The following ZBTB44 variants were observed in gnomAD, a reference collection of about 807,000 sequenced individuals.
ZBTB44 encodes zinc finger and BTB domain-containing protein 44.
A neutral mutation model predicts 54.0 loss-of-function variants in ZBTB44; 15 were observed. The ratio of observed to expected loss-of-function variants is 0.28; its 90% CI spans 0.19 to 0.43. The LOEUF (loss-of-function observed/expected upper bound fraction) is 0.43. ZBTB44 is among the 20% of genes least tolerant of loss of function. The pLI is 1.00. For missense variants in ZBTB44, 487 were observed against 707.1 expected, an observed-to-expected ratio of 0.69 and a Z score of 3.53; for synonymous variants, 230 against 250.1, an observed-to-expected ratio of 0.92 and a Z score of 0.76.
chr11:130,278,247 T>C (rs772036718), intron 1 of ZBTB44, among the ~76,000 whole-genome samples: 6 of 152,204 alleles, frequency 3.9e-5, no homozygotes, highest in Non-Finnish European at 8.8e-5. Context: ...AACACTGACA[T>C]TAGCTTACAC....
At chr11:130,240,221 T>C (rs1316739413) in intron 2 of ZBTB44, among the ~76,000 whole-genome samples, 1 of 152,086 alleles carries the variant, frequency 6.6e-6, no homozygotes, top group Non-Finnish European at 1.5e-5. Context: ...TTTTGTATTT[T>C]AGTAGAGACA....
intron 2 of ZBTB44, among the ~76,000 whole-genome samples, chr11:130,256,057 CA>C (rs962252279): frequency 6.6e-6 from 1 of 151,942 alleles, no homozygotes; most frequent in African/African-American, 2.4e-5. Flanking sequence ...TTCCTAACAA[CA>C]GAAAAAGAGG....
intron 1 of ZBTB44, among the ~76,000 whole-genome samples, chr11:130,284,325 T>C (rs577638204): frequency 2.6e-5 from 4 of 152,230 alleles, no homozygotes; most frequent in Admixed American, 1.3e-4. Flanking sequence ...AGTTTATTCA[T>C]TGGTAAAATA....
intron 3 of ZBTB44, 113 bp downstream of exon 3, chr11:130,239,699 G>T: frequency 2.5e-6 from 2 of 793,372 alleles, no homozygotes; most frequent in South Asian, 1.7e-5. Context: ...ACTTTGAAAA[G>T]TATACTGAAG....
chr11:130,298,832 G>GACACACAC (rs71061379), intron 1 of ZBTB44, among the ~76,000 whole-genome samples: 4 of 149,674 alleles, frequency 2.7e-5, no homozygotes, highest in African/African-American at 7.3e-5. Context: ...CAGACACCCA[G>GACACACAC]ACACACACAC....
intron 1 of ZBTB44, among the ~76,000 whole-genome samples, chr11:130,287,868 T>C (rs1941057918): frequency 6.6e-6 from 1 of 151,638 alleles, no homozygotes; most frequent in African/African-American, 2.4e-5. Context: ...ATTTACCGTA[T>C]TATAAATTAA....
intron 1 of ZBTB44, chr11:130,310,061 A>T (rs1226056653): frequency 6.6e-6 from 1 of 152,142 alleles, no homozygotes; most frequent in African/African-American, 2.4e-5. Flanking sequence ...TACATGTGTA[A>T]TCTTAGCACT....
Position 130,229,863 on chromosome 11 carries a change from TA to T in ZBTB44, c.*1900del, listed in dbSNP as rs1953812644. 6.6e-6 allele frequency: 1 copy of T among 152,166 alleles called. No homozygotes were observed. Among genetic ancestry groups the T allele is most frequent in the Non-Finnish European group, 1.5e-5 (1 of 67,984 alleles). 9.4% of individuals were successfully genotyped at this position (152,166 alleles called of 1,614,324 possible). A position where few individuals can be genotyped will look rare whatever the true frequency, so the allele number is the denominator to read the frequency against. On this transcript the variant is annotated 3_prime_UTR_variant, in exon 8 of 8. Coordinates refer to ENST00000357899, the MANE Select transcript of ZBTB44 (RefSeq NM_001301098.2). ...ACTTTGGGTCTGTTTCTTCTAACTG[TA>T]AACTTCACACTAGTTTTTTTTTCCC...
In ZBTB44 at chr11:130,261,830, T is replaced by C. The variant is rs1188578757; in HGVS notation, c.44A>G (p.Gln15Arg). The C allele has an allele frequency of 1.2e-6, 2 of 1,613,682 alleles. No homozygotes were observed. The highest frequency in any genetic ancestry group is 1.7e-6 in the Non-Finnish European group (2 of 1,179,608). The change falls in exon 2 of 8, where the codon CAG (glutamine) becomes CGG (arginine). Residue 15 changes from glutamine to arginine, a missense_variant. By Grantham distance (43) the Gln-to-Arg change is conservative. Transcript: ENST00000357899. This position sits in a 1 kb window ranked among gnomAD's most constrained non-coding sequence, Gnocchi z 4.8. Reference sequence around the variant, plus strand: ...CATATTTAGCTTTCCAAGCATTTCCTGGCTGTGGGAAGAGGAGCTATGAGT... The same window carrying C: ...CATATTTAGCTTTCCAAGCATTTCCCGGCTGTGGGAAGAGGAGCTATGAGT... ...TFTHSSSSHS[Q>R]EMLGKLNMLR...
In ZBTB44 at chr11:130,230,151, A is replaced by G. The variant is rs1295513295; in HGVS notation, c.*1613T>C. ...AGGACTATTAAAGCTAAAAGGGACT[A>G]AAACATAATCTGAGAATCTTCAAGA... is the stretch of plus-strand genomic sequence containing the variant. On this transcript the variant is annotated 3_prime_UTR_variant, in exon 8 of 8. Coordinates refer to ENST00000357899, the MANE Select transcript of ZBTB44 (RefSeq NM_001301098.2). 1 of 152,108 alleles carries G rather than the reference A, an allele frequency of 6.6e-6. No homozygotes were observed. Among genetic ancestry groups the G allele is most frequent in the Non-Finnish European group, 1.5e-5 (1 of 67,944 alleles). 9.4% of individuals were successfully genotyped at this position (152,108 alleles called of 1,614,324 possible). A position where few individuals can be genotyped will look rare whatever the true frequency, so the allele number is the denominator to read the frequency against.
chr11:130,291,266 G>GT (rs1254899389), intron 1 of ZBTB44, among the ~76,000 whole-genome samples: 2 of 152,054 alleles, frequency 1.3e-5, no homozygotes, highest in African/African-American at 4.8e-5. Flanking sequence ...AGCTTCCTGA[G>GT]TAGCTGGGAT....
rs888557367 is a variant in ZBTB44 at position 130,231,553 on chromosome 11, T to C, written c.*211A>G. On this transcript the variant is annotated 3_prime_UTR_variant, in exon 8 of 8. Coordinates refer to ENST00000357899, the MANE Select transcript of ZBTB44 (RefSeq NM_001301098.2). ...TCAGAATATCTTGGAGCTACCAACATTGTGCTTGGCTCTTAATGCGAAGTT... is the reference window on the plus strand; with the variant it reads ...TCAGAATATCTTGGAGCTACCAACACTGTGCTTGGCTCTTAATGCGAAGTT... The C allele has an allele frequency of 2.0e-5, 3 of 152,152 alleles. No individual in the cohort carries two copies. Among genetic ancestry groups the C allele is most frequent in the African/African-American group, 4.8e-5 (2 of 41,430 alleles). The allele number at this position is 152,152 out of a possible 1,614,324, so 9.4% of individuals were successfully genotyped here.
At chr11:130,238,325 T>A in intron 4 of ZBTB44, 119 bp downstream of exon 4, 4 of 1,287,882 alleles carry the variant, frequency 3.1e-6, no homozygotes, top group Non-Finnish European at 4.1e-6. Flanking sequence ...TCTGTTTTCA[T>A]TTGACTTCCC....
intron 1 of ZBTB44, among the ~76,000 whole-genome samples, chr11:130,278,675 G>A (rs949190462): frequency 1.4e-4 from 21 of 152,004 alleles, no homozygotes; most frequent in African/African-American, 3.6e-4. Context: ...ATCTATGTTC[G>A]AATTCACTAA....
At chr11:130,259,779 G>A (rs534862492) in intron 2 of ZBTB44, among the ~76,000 whole-genome samples, 2 of 143,416 alleles carry the variant, frequency 1.4e-5, no homozygotes, top group African/African-American at 5.2e-5. Flanking sequence ...CAGGGAGGGG[G>A]ACATCACACA....
At chr11:130,307,097 T>C (rs1014931307) in intron 1 of ZBTB44, among the ~76,000 whole-genome samples, 27 of 147,506 alleles carry the variant, frequency 1.8e-4, no homozygotes, top group Non-Finnish European at 3.3e-4. Context: ...TATAGTTGAA[T>C]ACCTGAATAG....
intron 1 of ZBTB44, among the ~76,000 whole-genome samples, chr11:130,267,158 G>A (rs1294265242): frequency 6.6e-6 from 1 of 151,980 alleles, no homozygotes; most frequent in East Asian, 2.0e-4. Context: ...CAGCTACTCA[G>A]GAGGCTGAGA....
intron 1 of ZBTB44, among the ~76,000 whole-genome samples, chr11:130,286,282 T>C (rs924693877): frequency 6.6e-6 from 1 of 152,296 alleles, no homozygotes; most frequent in Admixed American, 6.5e-5. Context: ...ACTGTGAAAA[T>C]GACAGATATT....
chr11:130,244,189 T>A (rs1175677094), intron 2 of ZBTB44, among the ~76,000 whole-genome samples: 1 of 152,206 alleles, frequency 6.6e-6, no homozygotes, highest in Non-Finnish European at 1.5e-5. Flanking sequence ...AGTGAATTTT[T>A]AAAAACTTAA....
Sources: gnomAD v4.1 joint callset for allele counts (sites outside exome capture counted in the v4.1 genomes callset) on GRCh38, gnomAD v4.1.1 for gene constraint, Gnocchi (gnomAD v3.1) non-coding constraint, MANE v1.5 for transcripts, NCBI Gene and HGNC (gene_info 2026-07-23, HGNC 2026-07-21) for gene names.